Variants in SIX2 observed in about 807,000 individuals in gnomAD.
SIX2 encodes homeobox protein SIX2.
SIX2 carries 20 observed loss-of-function variants against 22.8 expected under a neutral mutation model. That is an observed-to-expected ratio of 0.88 (90% CI 0.62 to 1.28). The LOEUF is 1.28. Among genes scored for constraint, SIX2 ranks in the 50% most tolerant of loss-of-function variants. The pLI is 0.00. For missense variants in SIX2, 360 were observed against 400.0 expected (o/e 0.90, Z 0.85); for synonymous variants, 195 against 186.4 (o/e 1.05, Z -0.37).
intron 1 of SIX2, among the ~76,000 whole-genome samples, chr2:45,007,583 C>T (rs1202729802): frequency 6.6e-6 from 1 of 152,068 alleles, no homozygotes; most frequent in African/African-American, 2.4e-5. Context: ...GTTCAGCACC[C>T]TCACCTCTGA....
At chr2:45,007,459 G>A (rs2103714831) in intron 1 of SIX2, among the ~76,000 whole-genome samples, 1 of 152,192 alleles carries the variant, frequency 6.6e-6, no homozygotes, top group South Asian at 2.1e-4. Context: ...TTCCTGGGAG[G>A]GAGCTTCCCA....
At position 45,005,893 on chromosome 2, in the gene SIX2, GGAGA is replaced by G. The variant is rs1234850291; in HGVS notation, c.*273_*276del. ...GAGAGGGTAAAAGGAAGAGACAGAG[GGAGA>G]GAGAGAATGACAGTGGTGTATAATT... On this transcript the variant is annotated 3_prime_UTR_variant, in exon 2 of 2. Coordinates refer to ENST00000303077, the MANE Select transcript of SIX2 (RefSeq NM_016932.5). The G allele has an allele frequency of 8.9e-6, 5 of 564,832 alleles. No individual in the cohort carries two copies. Among genetic ancestry groups the G allele is most frequent in the Middle Eastern group, 4.7e-4 (1 of 2,150 alleles). 35.0% of individuals were successfully genotyped at this position (564,832 alleles called of 1,614,324 possible). A position where few individuals can be genotyped will look rare whatever the true frequency, so the allele number is the denominator to read the frequency against.
Position 45,006,096 on chromosome 2 carries a change from G to A in SIX2, c.*74C>T. ...TACCTGGTGGGGCCGCAGGGGCGGG[G>A]CGCCCCTGGACACCGCCACTCCACG... On this transcript the variant is annotated 3_prime_UTR_variant, in exon 2 of 2. Transcript: ENST00000303077. This position sits in a 1 kb window ranked among gnomAD's most constrained non-coding sequence, Gnocchi z 4.2. 6.6e-7 allele frequency: 1 copy of A among 1,513,294 alleles called. No homozygotes were observed. Among genetic ancestry groups the A allele is most frequent in the African/African-American group, 1.4e-5 (1 of 73,040 alleles). 93.7% of individuals were successfully genotyped at this position (1,513,294 alleles called of 1,614,324 possible). A position where few individuals can be genotyped will look rare whatever the true frequency, so the allele number is the denominator to read the frequency against.
In SIX2 at chr2:45,008,434, G is replaced by C. The variant is rs537985241; in HGVS notation, c.560+117C>G. 2.6e-5 allele frequency: 28 copies of C among 1,091,468 alleles called. 1 individual carries two copies. The African/African-American group carries it at 4.0e-4, about 16-fold the overall frequency. The allele number at this position is 1,091,468 out of a possible 1,614,324, so 67.6% of individuals were successfully genotyped here. On this transcript the variant is annotated intron_variant, in intron 1 of 1. Transcript: ENST00000303077. ...CCAAGTCAGGCCGGGCTGCCGCTGG[G>C]CTGTGGCCGGGCCTGGGGGCCCAGT...
rs775188449 is a variant in SIX2, at chr2:45,006,164, T to C, written c.*6A>G. Reference sequence around the variant, plus strand: ...CAAAAGGCAAGCTCATCAAGGCAAATGGGTTCTAGGAGCCCAGGTCCACGA... The same window carrying C: ...CAAAAGGCAAGCTCATCAAGGCAAACGGGTTCTAGGAGCCCAGGTCCACGA... On this transcript the variant is annotated 3_prime_UTR_variant, in exon 2 of 2. Transcript: ENST00000303077. This position sits in a 1 kb window ranked among gnomAD's most constrained non-coding sequence, Gnocchi z 4.2. 5.6e-6 allele frequency: 9 copies of C among 1,614,116 alleles called. No individual in the cohort carries two copies. The highest frequency in any genetic ancestry group is 3.3e-5 in the Admixed American group (2 of 60,024).
At position 45,006,302 on chromosome 2, in the gene SIX2, G is replaced by T. The variant is rs1207562028; in HGVS notation, c.744C>A (p.His248Gln). ...PGLPSLHSLG[H>Q]PPGPSAVPVP... ...CTGGCACTGCGCTGGGGCCCGGAGG[G>T]TGGCCCAGGCTGTGCAGGGACGGCA... Residue 248 changes from histidine (H) to glutamine (Q), a missense_variant, in exon 2 of 2, where the codon CAC (histidine) becomes CAA (glutamine). Physicochemically the swap from His to Gln is conservative, Grantham distance 24. Coordinates refer to ENST00000303077, the MANE Select transcript of SIX2 (RefSeq NM_016932.5). The surrounding 1 kb of genome is among the most constrained non-coding windows in gnomAD (Gnocchi z 4.2). 1.2e-6 allele frequency: 2 copies of T among 1,614,000 alleles called. No individual in the cohort carries two copies. The highest frequency in any genetic ancestry group is 2.2e-5 in the South Asian group (2 of 91,064).
chr2:45,009,135 C>CCG lies in SIX2; in HGVS notation c.-27_-26dup. On this transcript the variant is annotated 5_prime_UTR_variant, in exon 1 of 2. Coordinates refer to ENST00000303077, the MANE Select transcript of SIX2 (RefSeq NM_016932.5). ...TGGTGCCGGCTGCGTCCCCGCCCGC[C>CCG]CGCGCGCGCCCTCACCGGGCCGCGC... is the stretch of plus-strand genomic sequence containing the variant. 2.6e-6 allele frequency: 4 copies of CCG among 1,523,564 alleles called. No individual in the cohort carries two copies. The highest frequency in any genetic ancestry group is 3.5e-6 in the Non-Finnish European group (4 of 1,142,280). The allele number at this position is 1,523,564 out of a possible 1,614,324, so 94.4% of individuals were successfully genotyped here.
At position 45,006,440 on chromosome 2, in the gene SIX2, A is replaced by G; in HGVS notation, c.606T>C (p.Asn202=). 6.2e-7 allele frequency: 1 copy of G among 1,614,128 alleles called. No individual in the cohort carries two copies. The highest frequency in any genetic ancestry group is 8.5e-7 in the Non-Finnish European group (1 of 1,180,006). ...TGCCTAACACCGACTTGCCGCTGCC[A>G]TTCAGCGGGTTGTGGCTGTTAGAAT... is the stretch of plus-strand genomic sequence containing the variant. ...NSNSNSHNPL[N]GSGKSVLGSS... is the part of the protein sequence containing the mutation. Residue 202 remains asparagine, a synonymous_variant, in exon 2 of 2, where the codon AAT becomes AAC. Transcript: ENST00000303077. This position sits in a 1 kb window ranked among gnomAD's most constrained non-coding sequence, Gnocchi z 4.2.
In SIX2 at chr2:45,006,855, C is replaced by G. The variant is rs554897050; in HGVS notation, c.561-370G>C. ...TGTGGGGTGAGCCGGGAGGAAGAGA[C>G]GATGCCTGGATTTTCAGATCACTCT... On this transcript the variant is annotated intron_variant, in intron 1 of 1. Transcript: ENST00000303077. The surrounding 1 kb of genome is among the most constrained non-coding windows in gnomAD (Gnocchi z 4.2). Among the ~76,000 whole-genome samples, 1 of 152,278 alleles carries G rather than the reference C, an allele frequency of 6.6e-6. No individual in the cohort carries two copies. Among genetic ancestry groups the G allele is most frequent in the South Asian group, 2.1e-4 (1 of 4,828 alleles).
rs772685693 is a variant in SIX2 at position 45,008,933 on chromosome 2, G to T, written c.178C>A (p.Arg60Ser). 1.9e-6 allele frequency: 3 copies of T among 1,613,750 alleles called. No homozygotes were observed. The highest frequency in any genetic ancestry group is 2.7e-5 in the African/African-American group (2 of 74,926). ...LKAKAVVAFH[R>S]GNFRELYKIL... ...TTGTAGAGCTCGCGGAAGTTGCCGC[G>T]GTGGAAGGCCACCACGGCCTTGGCC... is the stretch of plus-strand genomic sequence containing the variant. The change falls in exon 1 of 2, where the codon CGC (arginine) becomes AGC (serine). Residue 60 changes from arginine (R) to serine (S), a missense_variant. This residue lies in a region of SIX2 where 118 missense variants were observed against 135.1 expected (regional missense o/e 0.87). Coordinates refer to ENST00000303077, the MANE Select transcript of SIX2 (RefSeq NM_016932.5).
In SIX2 at chr2:45,006,496, G is replaced by T. The variant is rs377167020; in HGVS notation, c.561-11C>A. On this transcript the variant is annotated splice_polypyrimidine_tract_variant and intron_variant, in intron 1 of 1. Transcript: ENST00000303077. This position sits in a 1 kb window ranked among gnomAD's most constrained non-coding sequence, Gnocchi z 4.2. ...TTCTCGTTGTTCTCCCTGCAAGTGC[G>T]GGAGCAAAGCAGCGGGGTCAGCAGG... 6.2e-7 allele frequency: 1 copy of T among 1,611,892 alleles called. No homozygotes were observed. The highest frequency in any genetic ancestry group is 8.5e-7 in the Non-Finnish European group (1 of 1,179,858).
rs1667745298 is a variant in SIX2 at position 45,005,943 on chromosome 2, G to C, written c.*227C>G. ...TAATTTATTCCCTTCTGTGGTTCAA[G>C]ACTCAGTCTCCAGCCCCAAAAGGAT... On this transcript the variant is annotated 3_prime_UTR_variant, in exon 2 of 2. Coordinates refer to ENST00000303077, the MANE Select transcript of SIX2 (RefSeq NM_016932.5). The C allele has an allele frequency of 1.6e-6, 1 of 637,462 alleles. No individual in the cohort carries two copies. Among genetic ancestry groups the C allele is most frequent in the Non-Finnish European group, 2.9e-6 (1 of 350,452 alleles). 39.5% of individuals were successfully genotyped at this position (637,462 alleles called of 1,614,324 possible). A position where few individuals can be genotyped will look rare whatever the true frequency, so the allele number is the denominator to read the frequency against.
chr2:45,009,149 A>C lies in SIX2; in HGVS notation c.-39T>G. On this transcript the variant is annotated 5_prime_UTR_variant, in exon 1 of 2. The change abolishes the stop of an existing upstream ORF in the 5' untranslated region. Coordinates refer to ENST00000303077, the MANE Select transcript of SIX2 (RefSeq NM_016932.5). ...TCCCCGCCCGCCCGCGCGCGCCCTC[A>C]CCGGGCCGCGCGGTCCCGCATGGGA... is the stretch of plus-strand genomic sequence containing the variant. The C allele has an allele frequency of 3.4e-4, 490 of 1,434,386 alleles. No individual in the cohort carries two copies. The highest frequency in any genetic ancestry group is 1.3e-3 in the Middle Eastern group (5 of 3,898). 88.9% of individuals were successfully genotyped at this position (1,434,386 alleles called of 1,614,324 possible). A position where few individuals can be genotyped will look rare whatever the true frequency, so the allele number is the denominator to read the frequency against.
chr2:45,006,165 G>A lies in SIX2; in HGVS notation c.*5C>T. The stretch of plus-strand genomic sequence containing the variant: ...AAAAGGCAAGCTCATCAAGGCAAAT[G>A]GGTTCTAGGAGCCCAGGTCCACGAG... On this transcript the variant is annotated 3_prime_UTR_variant, in exon 2 of 2. Transcript: ENST00000303077. This position sits in a 1 kb window ranked among gnomAD's most constrained non-coding sequence, Gnocchi z 4.2. The A allele has an allele frequency of 1.9e-6, 3 of 1,614,038 alleles. No homozygotes were observed. The highest frequency in any genetic ancestry group is 4.5e-5 in the East Asian group (2 of 44,884).
In SIX2 at chr2:45,005,380, G is replaced by C. The variant is rs1007265379; in HGVS notation, c.*790C>G. The C allele has an allele frequency of 2.6e-5, 4 of 151,876 alleles. No individual in the cohort carries two copies. Among genetic ancestry groups the C allele is most frequent in the Non-Finnish European group, 5.9e-5 (4 of 67,956 alleles). The allele number at this position is 151,876 out of a possible 1,614,324, so 9.4% of individuals were successfully genotyped here. On this transcript the variant is annotated 3_prime_UTR_variant, in exon 2 of 2. Transcript: ENST00000303077. ...GCGGTGTGGCGGGGCCTCGCCAAGA[G>C]AGAAGGAGGAGGGGCGTATGACGAG...
Position 45,006,163 on chromosome 2 carries a change from A to T in SIX2, c.*7T>A. The T allele has an allele frequency of 6.2e-7, 1 of 1,614,090 alleles. No homozygotes were observed. Among genetic ancestry groups the T allele is most frequent in the Non-Finnish European group, 8.5e-7 (1 of 1,179,926 alleles). On this transcript the variant is annotated 3_prime_UTR_variant, in exon 2 of 2. Coordinates refer to ENST00000303077, the MANE Select transcript of SIX2 (RefSeq NM_016932.5). This position sits in a 1 kb window ranked among gnomAD's most constrained non-coding sequence, Gnocchi z 4.2. ...ACAAAAGGCAAGCTCATCAAGGCAA[A>T]TGGGTTCTAGGAGCCCAGGTCCACG...
intron 1 of SIX2, among the ~76,000 whole-genome samples, chr2:45,007,908 A>G (rs1455096673): frequency 1.3e-5 from 2 of 152,152 alleles, no homozygotes; most frequent in Non-Finnish European, 2.9e-5. Flanking sequence ...GTGCCAGGGA[A>G]GGGCGGCTAT....
Position 45,009,243 on chromosome 2 carries a change from G to T in SIX2, c.-133C>A. The T allele has an allele frequency of 1.6e-6, 1 of 643,286 alleles. No homozygotes were observed. Among genetic ancestry groups the T allele is most frequent in the Non-Finnish European group, 2.1e-6 (1 of 471,604 alleles). 39.8% of individuals were successfully genotyped at this position (643,286 alleles called of 1,614,324 possible). On this transcript the variant is annotated 5_prime_UTR_variant, in exon 1 of 2. Transcript: ENST00000303077. ...GCCCCCTGGCCCGGCACTGGCCCCC[G>T]GTGAGCCCCGAGTCACTGCCGTACG...
In SIX2 at chr2:45,006,605, G is replaced by T; in HGVS notation, c.561-120C>A. 1 of 989,366 alleles carries T rather than the reference G, an allele frequency of 1.0e-6. No individual in the cohort carries two copies. The highest frequency in any genetic ancestry group is 1.6e-6 in the Non-Finnish European group (1 of 629,746). 61.3% of individuals were successfully genotyped at this position (989,366 alleles called of 1,614,324 possible). A position where few individuals can be genotyped will look rare whatever the true frequency, so the allele number is the denominator to read the frequency against. On this transcript the variant is annotated intron_variant, in intron 1 of 1. Transcript: ENST00000303077. The surrounding 1 kb of genome is among the most constrained non-coding windows in gnomAD (Gnocchi z 4.2). ...GAGACAGATCCCGGGCTTGTGGCCT[G>T]CGGGTGTTTTCGGTTTCTACCATTT...
Sources: gnomAD v4.1 joint callset for allele counts (sites outside exome capture counted in the v4.1 genomes callset) on GRCh38, gnomAD v4.1.1 for gene constraint, gnomAD v4.1.1 regional missense constraint, Gnocchi (gnomAD v3.1) non-coding constraint, MANE v1.5 for transcripts, NCBI Gene and HGNC (gene_info 2026-07-23, HGNC 2026-07-21) for gene names.